PADI4: variants seen among roughly 807,000 people sequenced by gnomAD.
PADI4 encodes the protein protein-arginine deiminase type-4.
In PADI4, 62 loss-of-function variants were observed where a neutral mutation model predicts 75.0. The ratio of observed to expected loss-of-function variants is 0.83; its 90% CI spans 0.67 to 1.02. The LOEUF is 1.02. PADI4 is among the 50% of genes least tolerant of loss of function. The pLI, the probability that PADI4 is intolerant of heterozygous loss-of-function variation, is 0.00. For synonymous variants in PADI4, 361 were observed against 348.1 expected, an observed-to-expected ratio of 1.04 and a Z score of -0.41; for missense variants, 845 against 850.5, an observed-to-expected ratio of 0.99 and a Z score of 0.08.
At chr1:17,335,804 G>C (rs574527157) in intron 3 of PADI4, among the ~76,000 whole-genome samples, 8 of 152,266 alleles carry the variant, frequency 5.3e-5, no homozygotes, top group Non-Finnish European at 1.0e-4. Flanking sequence ...CTGGCAGGGT[G>C]TGCCTGCAGA....
chr1:17,363,833 G>A lies in PADI4; in HGVS notation c.*78G>A, dbSNP rs2100268995. 1 of 1,013,430 alleles carries A rather than the reference G, an allele frequency of 9.9e-7. No individual in the cohort carries two copies. Among genetic ancestry groups the A allele is most frequent in the Non-Finnish European group, 1.5e-6 (1 of 662,942 alleles). The allele number at this position is 1,013,430 out of a possible 1,614,324, so 62.8% of individuals were successfully genotyped here. ...TGCAGTGTGGCAAGCAAGAGCTCTT[G>A]TGAATATTGTGGCTCCCTGGGGGCG... On this transcript the variant is annotated 3_prime_UTR_variant, in exon 16 of 16. Transcript: ENST00000375448.
rs2073938285 is a variant in PADI4, at chr1:17,316,549, GCC to G, written c.92+8236_92+8237del. Among the ~76,000 whole-genome samples, 3 of 151,568 alleles carry G rather than the reference GCC, an allele frequency of 2.0e-5. No homozygotes were observed. The South Asian group carries it at 6.3e-4, about 32-fold the overall frequency. ...CTAAAAATACAAAAAAATTAGCCAG[GCC>G]TGGTGGCGGGCGCCTGTAGTCCCAG... On this transcript the variant is annotated intron_variant, in intron 1 of 15. Coordinates refer to ENST00000375448, the MANE Select transcript of PADI4 (RefSeq NM_012387.3).
chr1:17,352,143 G>A (rs1410739096), intron 10 of PADI4, among the ~76,000 whole-genome samples: 24 of 148,068 alleles, frequency 1.6e-4, no homozygotes, highest in Non-Finnish European at 1.5e-4. Context: ...GGAGGCAGTA[G>A]GAGAGGCAAT....
intron 1 of PADI4, among the ~76,000 whole-genome samples, chr1:17,325,437 T>A (rs1182830791): frequency 6.6e-6 from 1 of 152,146 alleles, no homozygotes; most frequent in Non-Finnish European, 1.5e-5. Context: ...TCCTATTTAT[T>A]GCTGATGTAT....
At chr1:17,331,226 TC>T in intron 2 of PADI4, 77 bp downstream of exon 2, 4 of 1,256,372 alleles carry the variant, frequency 3.2e-6, no homozygotes, top group Non-Finnish European at 4.5e-6. Flanking sequence ...CCTGCCGTGA[TC>T]CACAGCACCA....
intron 6 of PADI4, 89 bp downstream of exon 6, chr1:17,339,902 A>G (rs1054969801): frequency 7.1e-7 from 1 of 1,412,462 alleles, no homozygotes; most frequent in African/African-American, 1.4e-5. Context: ...AATCCTGAGC[A>G]CCTACTATGT....
intron 1 of PADI4, among the ~76,000 whole-genome samples, chr1:17,327,608 C>T (rs528387689): frequency 6.6e-6 from 1 of 151,194 alleles, no homozygotes; most frequent in Non-Finnish European, 1.5e-5. Flanking sequence ...GTGGCGTGAT[C>T]TCAGGTTACT....
chr1:17,352,939 C>T (rs1434877251), intron 10 of PADI4, among the ~76,000 whole-genome samples: 1 of 152,176 alleles, frequency 6.6e-6, no homozygotes, highest in African/African-American at 2.4e-5. Flanking sequence ...GGAGGTGAAC[C>T]AGGATCCCCC....
Position 17,354,482 on chromosome 1 carries a change from C to T in PADI4, c.1156-51C>T, listed in dbSNP as rs2074724933. On this transcript the variant is annotated intron_variant, in intron 10 of 15. Coordinates refer to ENST00000375448, the MANE Select transcript of PADI4 (RefSeq NM_012387.3). ...TCTAAACTTGGACCCCCCGACCCTT[C>T]ACCAGGGACCTCATTCCTCTAACTC... is the stretch of plus-strand genomic sequence containing the variant. 16 of 1,575,094 alleles carry T rather than the reference C, an allele frequency of 1.0e-5. No individual in the cohort carries two copies. The East Asian group carries it at 3.6e-4, about 35-fold the overall frequency.
chr1:17,355,905 T>C, intron 11 of PADI4, 78 bp from the exon 12 acceptor site: 4 of 1,509,706 alleles, frequency 2.6e-6, no homozygotes, highest in Non-Finnish European at 3.7e-6. Flanking sequence ...CCTGACCTTT[T>C]TGCCAAGCCC....
intron 1 of PADI4, among the ~76,000 whole-genome samples, chr1:17,329,281 A>G (rs1957880): frequency 0.56 from 81,766 of 147,228 alleles, 22,920 homozygotes; most frequent in East Asian, 0.59. Flanking sequence ...AGCCAAGATC[A>G]CGCCACTGCA....
chr1:17,313,637 A>G (rs893469478), intron 1 of PADI4, among the ~76,000 whole-genome samples: 1 of 151,674 alleles, frequency 6.6e-6, no homozygotes, highest in African/African-American at 2.4e-5. Context: ...GGGTCCTGAG[A>G]TTTATTTTCC....
At position 17,329,805 on chromosome 1, in the gene PADI4, C is replaced by T. The variant is rs140907821; in HGVS notation, c.93-1164C>T. Among the ~76,000 whole-genome samples, 405 of 152,210 alleles carry T rather than the reference C, an allele frequency of 2.7e-3. 1 individual carries two copies. Among genetic ancestry groups the T allele is most frequent in the African/African-American group, 7.8e-3 (323 of 41,536 alleles). ...AATTGTTATTTCCTCCTAGATAATCCGACTTTCCTTTCTGAATGCCTTTAA... is the reference window on the plus strand; with the variant it reads ...AATTGTTATTTCCTCCTAGATAATCTGACTTTCCTTTCTGAATGCCTTTAA... On this transcript the variant is annotated intron_variant, in intron 1 of 15. Transcript: ENST00000375448.
chr1:17,317,895 G>A (rs2100665359), intron 1 of PADI4, among the ~76,000 whole-genome samples: 1 of 152,276 alleles, frequency 6.6e-6, no homozygotes, highest in South Asian at 2.1e-4. Flanking sequence ...GTGGTAGTGT[G>A]TGCCTGTAGT....
At chr1:17,311,670 G>T (rs950750489) in intron 1 of PADI4, among the ~76,000 whole-genome samples, 2 of 151,980 alleles carry the variant, frequency 1.3e-5, no homozygotes, top group Non-Finnish European at 2.9e-5. Flanking sequence ...GACTACAGGC[G>T]CCTGCCACCA....
intron 1 of PADI4, among the ~76,000 whole-genome samples, chr1:17,313,287 G>A (rs1417206314): frequency 2.6e-5 from 4 of 151,860 alleles, no homozygotes; most frequent in Admixed American, 6.6e-5. Flanking sequence ...ATCACTTGAG[G>A]TTAGGAGTTC....
chr1:17,356,959 C>T lies in PADI4; in HGVS notation c.1558+500C>T, dbSNP rs184730798. 5.9e-5 allele frequency among the ~76,000 whole-genome samples: 9 copies of T among 152,252 alleles called. No individual in the cohort carries two copies. The highest frequency in any genetic ancestry group is 1.2e-4 in the Non-Finnish European group (8 of 68,016). On this transcript the variant is annotated intron_variant, in intron 13 of 15. Transcript: ENST00000375448. This position sits in a 1 kb window ranked among gnomAD's most constrained non-coding sequence, Gnocchi z 4.1. ...GAGCTCACAGACATGGGCCAGGCCCCGGGCTGAGATGCCTCTGTGGCTGAG... is the reference window on the plus strand; with the variant it reads ...GAGCTCACAGACATGGGCCAGGCCCTGGGCTGAGATGCCTCTGTGGCTGAG...
intron 1 of PADI4, among the ~76,000 whole-genome samples, chr1:17,310,098 G>C (rs191507656): frequency 1.6e-3 from 251 of 152,300 alleles, no homozygotes; most frequent in Admixed American, 4.5e-3. Flanking sequence ...TCAGCCACAC[G>C]TTGAGCCTGT....
At chr1:17,332,643 G>A (rs2074235153) in intron 2 of PADI4, among the ~76,000 whole-genome samples, 1 of 152,056 alleles carries the variant, frequency 6.6e-6, no homozygotes, top group Non-Finnish European at 1.5e-5. Context: ...TATCTTTTTG[G>A]GGACCACCAT....
Sources: gnomAD v4.1 joint callset for allele counts (sites outside exome capture counted in the v4.1 genomes callset) on GRCh38, gnomAD v4.1.1 for gene constraint, Gnocchi (gnomAD v3.1) non-coding constraint, MANE v1.5 for transcripts, NCBI Gene and HGNC (gene_info 2026-07-23, HGNC 2026-07-21) for gene names.